Variants in PHEX observed in about 807,000 individuals in gnomAD.
PHEX encodes phosphate regulating endopeptidase X-linked.
Under a neutral mutation model 68.0 loss-of-function variants are expected in PHEX, and 16 were observed. That is an observed-to-expected ratio of 0.24 (90% CI 0.16 to 0.36). PHEX has a LOEUF of 0.36. Among genes scored for constraint, PHEX ranks in the 10% least tolerant of loss-of-function variants. The pLI is 1.00. For synonymous variants in PHEX, 208 were observed against 205.1 expected, an observed-to-expected ratio of 1.01 and a Z score of -0.12; for missense variants, 480 against 575.5, an observed-to-expected ratio of 0.83 and a Z score of 1.70.
At chrX:22,229,147 T>C (rs1271321448) in intron 20 of PHEX, among the ~76,000 whole-genome samples, 1 of 112,138 alleles carries the variant, frequency 8.9e-6, no homozygotes, top group Non-Finnish European at 1.9e-5. Context: ...TGATGGACAT[T>C]TGGGTTGGTG....
intron 7 of PHEX, 141 bp downstream of exon 7, chrX:22,094,240 G>T (rs1478209518): frequency 4.9e-6 from 2 of 406,509 alleles, no homozygotes; most frequent in Non-Finnish European, 9.2e-6. Flanking sequence ...TTGTGTCATT[G>T]CCCATTGGGC....
chrX:22,146,073 G>T (rs888498879), intron 12 of PHEX, among the ~76,000 whole-genome samples: 6 of 112,147 alleles, frequency 5.4e-5, no homozygotes, highest in Non-Finnish European at 1.1e-4. Flanking sequence ...ATTTTGACAT[G>T]ACCCTAGTTG....
At chrX:22,117,981 TAAAGAA>T (rs1250228019) in intron 11 of PHEX, among the ~76,000 whole-genome samples, 1 of 110,260 alleles carries the variant, frequency 9.1e-6, no homozygotes, top group Non-Finnish European at 1.9e-5. Context: ...AGCTACAGTC[TAAAGAA>T]AAAGAAAAAC....
At chrX:22,112,551 C>T (rs1236457551) in intron 10 of PHEX, among the ~76,000 whole-genome samples, 1 of 111,685 alleles carries the variant, frequency 9.0e-6, no homozygotes, top group Non-Finnish European at 1.9e-5. Flanking sequence ...TGGGCCATTA[C>T]TCTGGAAGAG....
chrX:22,135,149 G>A (rs1263340060), intron 12 of PHEX, among the ~76,000 whole-genome samples: 1 of 111,695 alleles, frequency 9.0e-6, no homozygotes, highest in Admixed American at 9.5e-5. Context: ...AGGCAGCGTT[G>A]GAGGAAGACA....
chrX:22,190,779 T>C (rs1017044987), intron 15 of PHEX, among the ~76,000 whole-genome samples: 9 of 111,603 alleles, frequency 8.1e-5, no homozygotes, highest in African/African-American at 2.6e-4. Context: ...AGGAGCAAGT[T>C]TCCACTTTCC....
Position 22,249,442 on chromosome X carries a change from T to TAAAAAAAAAAAAA in PHEX, c.*1491_*1503dup, listed in dbSNP as rs540966419. 5.2e-5 allele frequency: 2 copies of TAAAAAAAAAAAAA among 38,695 alleles called. No homozygotes were observed. The highest frequency in any genetic ancestry group is 3.4e-4 in the African/African-American group (2 of 5,945). The allele number at this position is 38,695 out of a possible 1,213,427, so 3.2% of individuals were successfully genotyped here. A position where few individuals can be genotyped will look rare whatever the true frequency, so the allele number is the denominator to read the frequency against. On this transcript the variant is annotated 3_prime_UTR_variant, in exon 22 of 22. Coordinates refer to ENST00000379374, the MANE Select transcript of PHEX (RefSeq NM_000444.6). ...GTGTCCCTGTGATTTGTGATTCTTT[T>TAAAAAAAAAAAAA]AAAAAAAAAAAAAATATATATATAT...
intron 9 of PHEX, among the ~76,000 whole-genome samples, chrX:22,104,595 T>C (rs1247887574): frequency 9.0e-6 from 1 of 111,716 alleles, no homozygotes; most frequent in Non-Finnish European, 1.9e-5. Flanking sequence ...AACAAATCAT[T>C]TTTCTTTTTC....
intron 11 of PHEX, among the ~76,000 whole-genome samples, chrX:22,120,891 G>A (rs1392536334): frequency 8.9e-6 from 1 of 112,033 alleles, no homozygotes; most frequent in African/African-American, 3.2e-5. Context: ...GGGAAAAAAG[G>A]CCTTGTTGCT....
chrX:22,192,367 C>T (rs1423268403), intron 15 of PHEX, among the ~76,000 whole-genome samples: 2 of 111,729 alleles, frequency 1.8e-5, no homozygotes, highest in Non-Finnish European at 3.8e-5. Context: ...GTTCTTACCC[C>T]CCTTCAGTCT....
chrX:22,087,517 A>G (rs1929677662), intron 5 of PHEX, among the ~76,000 whole-genome samples: 1 of 111,737 alleles, frequency 8.9e-6, no homozygotes, highest in African/African-American at 3.3e-5. Flanking sequence ...ATTTTTCATA[A>G]TATCACTAAT....
At position 22,032,948 on chromosome X, in the gene PHEX, C is replaced by T. The variant is rs987230658; in HGVS notation, c.-58C>T. 1.0e-5 allele frequency: 9 copies of T among 902,952 alleles called. No individual in the cohort carries two copies. Among genetic ancestry groups the T allele is most frequent in the Non-Finnish European group, 1.5e-5 (9 of 615,495 alleles). 74.4% of individuals were successfully genotyped at this position (902,952 alleles called of 1,213,427 possible). On this transcript the variant is annotated 5_prime_UTR_variant, in exon 1 of 22. Coordinates refer to ENST00000379374, the MANE Select transcript of PHEX (RefSeq NM_000444.6). The stretch of plus-strand genomic sequence containing the variant: ...GGATGTCAACGCCTCGCTCTTGAGA[C>T]CAGCCACCAAACCACGAAAAGTGAC...
intron 3 of PHEX, among the ~76,000 whole-genome samples, chrX:22,071,202 A>G (rs752753363): frequency 9.9e-5 from 11 of 111,250 alleles, no homozygotes; most frequent in Non-Finnish European, 1.7e-4. Flanking sequence ...GTAGAAGAGC[A>G]GGGCATTGGG....
intron 20 of PHEX, among the ~76,000 whole-genome samples, chrX:22,232,174 A>G (rs1935771328): frequency 9.0e-6 from 1 of 111,489 alleles, no homozygotes; most frequent in Non-Finnish European, 1.9e-5. Flanking sequence ...GCATTTGCTG[A>G]GAAGTGTTTT....
intron 14 of PHEX, among the ~76,000 whole-genome samples, chrX:22,184,017 T>G (rs1933956229): frequency 8.9e-6 from 1 of 111,933 alleles, no homozygotes; most frequent in Admixed American, 9.5e-5. Flanking sequence ...TTAGGCAAAC[T>G]GAGATTTGTG....
intron 4 of PHEX, 146 bp downstream of exon 4, chrX:22,076,620 A>G: frequency 2.0e-6 from 1 of 500,467 alleles, no homozygotes. Flanking sequence ...ATTGTGAAAG[A>G]CTGGATTTTG....
chrX:22,234,419 A>C (rs1935887826), intron 20 of PHEX, among the ~76,000 whole-genome samples: 1 of 110,704 alleles, frequency 9.0e-6, no homozygotes, highest in Non-Finnish European at 1.9e-5. Flanking sequence ...AGTTTTATCT[A>C]TAATTCCCTG....
intron 3 of PHEX, among the ~76,000 whole-genome samples, chrX:22,065,508 C>G (rs1273620519): frequency 9.0e-6 from 1 of 111,231 alleles, no homozygotes; most frequent in African/African-American, 3.3e-5. Flanking sequence ...TCACTGCAAG[C>G]TCCGACTCCC....
chrX:22,116,613 T>G (rs1056335672), intron 11 of PHEX, among the ~76,000 whole-genome samples: 1 of 111,757 alleles, frequency 8.9e-6, no homozygotes, highest in Non-Finnish European at 1.9e-5. Flanking sequence ...ATAGTCATTA[T>G]TGATACATAA....
Sources: gnomAD v4.1 joint callset for allele counts (sites outside exome capture counted in the v4.1 genomes callset) on GRCh38, gnomAD v4.1.1 for gene constraint, MANE v1.5 for transcripts, NCBI Gene and HGNC (gene_info 2026-07-23, HGNC 2026-07-21) for gene names.